The following GBF1 variants were observed in gnomAD, a reference collection of about 807,000 sequenced individuals.
The protein encoded by GBF1 is golgi brefeldin A resistant guanine nucleotide exchange factor 1, also known as Golgi-specific brefeldin A-resistance guanine nucleotide exchange factor 1.
A neutral mutation model predicts 210.5 loss-of-function variants in GBF1; 114 were observed. The observed-to-expected ratio is 0.54, with a 90% CI of 0.47 to 0.63. The LOEUF is 0.63. Ranked by LOEUF, GBF1 falls within the 30% of genes least tolerant of loss-of-function variation. The pLI, the probability that GBF1 is intolerant of heterozygous loss-of-function variation, is 0.00. For missense variants in GBF1, 1,851 were observed against 2,357.7 expected (o/e 0.79, Z 4.45); for synonymous variants, 850 against 889.2 (o/e 0.96, Z 0.78).
In GBF1 at chr10:102,377,201, G is replaced by A. The variant is rs779253604; in HGVS notation, c.4494+61G>A. On this transcript the variant is annotated intron_variant, in intron 33 of 39. Coordinates refer to ENST00000369983, the MANE Select transcript of GBF1 (RefSeq NM_001377137.1). ...GCACCTGATACTGGGAGCCTGGGGC[G>A]GCCAGGGAAAGCCAGGGCTGAGGGG... The A allele has an allele frequency of 3.1e-4, 443 of 1,441,812 alleles. 2 individuals are homozygous for A. The highest frequency in any genetic ancestry group is 1.4e-3 in the Middle Eastern group (7 of 4,948). The allele number at this position is 1,441,812 out of a possible 1,614,324, so 89.3% of individuals were successfully genotyped here.
Position 102,379,271 on chromosome 10 carries a change from C to T in GBF1, c.4495-13C>T, listed in dbSNP as rs764788380. 2 of 1,610,730 alleles carry T rather than the reference C, an allele frequency of 1.2e-6. No homozygotes were observed. The highest frequency in any genetic ancestry group is 1.1e-5 in the South Asian group (1 of 90,928). ...TAACCCCACTCACATCCTGCCCCCT[C>T]CTGTGATCCTAGTTGCTAGACCTGA... On this transcript the variant is annotated splice_polypyrimidine_tract_variant and intron_variant, in intron 33 of 39. Coordinates refer to ENST00000369983, the MANE Select transcript of GBF1 (RefSeq NM_001377137.1).
At chr10:102,297,030 G>A (rs2076961827) in intron 3 of GBF1, among the ~76,000 whole-genome samples, 1 of 149,536 alleles carries the variant, frequency 6.7e-6, no homozygotes, top group Non-Finnish European at 1.5e-5. Flanking sequence ...GAGCAACAGA[G>A]CGAGACTGTC....
intron 3 of GBF1, among the ~76,000 whole-genome samples, chr10:102,318,087 T>C (rs1472213513): frequency 1.3e-5 from 2 of 151,948 alleles, no homozygotes; most frequent in Non-Finnish European, 2.9e-5. Flanking sequence ...TTTTTGTATT[T>C]TTAGTAGAGA....
intron 3 of GBF1, among the ~76,000 whole-genome samples, chr10:102,285,505 C>T (rs1297496451): frequency 6.6e-6 from 1 of 152,208 alleles, no homozygotes; most frequent in Non-Finnish European, 1.5e-5. Flanking sequence ...CATCTCCTTA[C>T]TGTGTGGCTG....
At chr10:102,314,542 T>G (rs1478821882) in intron 3 of GBF1, among the ~76,000 whole-genome samples, 1 of 152,166 alleles carries the variant, frequency 6.6e-6, no homozygotes, top group African/African-American at 2.4e-5. Context: ...CAATTTAACT[T>G]CCTTAGCTTC....
intron 3 of GBF1, among the ~76,000 whole-genome samples, chr10:102,337,431 TTCA>T (rs1206934268): frequency 2.0e-5 from 3 of 151,902 alleles, no homozygotes; most frequent in Admixed American, 6.6e-5. Flanking sequence ...AAAACTGCTC[TTCA>T]TCACAGATAA....
intron 3 of GBF1, among the ~76,000 whole-genome samples, chr10:102,285,990 C>A (rs562462796): frequency 2.6e-5 from 4 of 152,198 alleles, no homozygotes; most frequent in South Asian, 4.1e-4. Flanking sequence ...AAAGGTTGAA[C>A]CTGTTTTCAA....
rs377385440 is a variant in GBF1 at position 102,271,959 on chromosome 10, C to A, written c.163+11843C>A. On this transcript the variant is annotated intron_variant, in intron 3 of 39. Coordinates refer to ENST00000369983, the MANE Select transcript of GBF1 (RefSeq NM_001377137.1). The stretch of plus-strand genomic sequence containing the variant: ...GTAGAGACAGGGTCTTGCCATGTTG[C>A]CCAGGCCTGTCTTGAACTCCTGAGC... Among the ~76,000 whole-genome samples the A allele has an allele frequency of 5.3e-4, 80 of 151,968 alleles. 2 individuals are homozygous for A. In the South Asian group the frequency reaches 0.016, roughly 31 times the overall value.
chr10:102,234,432 G>A, the GBF1 span, among the ~76,000 whole-genome samples: 1 of 152,170 alleles, frequency 6.6e-6, no homozygotes, highest in African/African-American at 2.4e-5. Flanking sequence ...GAAAAGTCAG[G>A]CCAGAACTGG....
chr10:102,353,152 C>T (rs1273832809), intron 7 of GBF1, among the ~76,000 whole-genome samples: 1 of 152,176 alleles, frequency 6.6e-6, no homozygotes, highest in Non-Finnish European at 1.5e-5. Flanking sequence ...ACAGACTAGA[C>T]TGCCCTTGGA....
In GBF1 at chr10:102,363,270, A is replaced by G; in HGVS notation, c.1891A>G (p.Ser631Gly). ...REASNTERTA[S>G]DGKAVGMASD... is the part of the protein sequence containing the mutation. ...TCTCTTACCAGCTGAGAGAACTGCC[A>G]GCGATGGGAAAGCTGTAGGCATGGC... is the stretch of plus-strand genomic sequence containing the variant. Residue 631 changes from serine to glycine, a missense_variant, in exon 16 of 40, where the codon AGC becomes GGC. This residue lies in a region of GBF1 where 804 missense variants were observed against 958.6 expected (regional missense o/e 0.84). Transcript: ENST00000369983. This position sits in a 1 kb window ranked among gnomAD's most constrained non-coding sequence, Gnocchi z 4.2. The G allele has an allele frequency of 1.2e-6, 2 of 1,613,062 alleles. No homozygotes were observed. Among genetic ancestry groups the G allele is most frequent in the South Asian group, 2.2e-5 (2 of 90,952 alleles).
At chr10:102,371,906 A>G (rs2135244474) in intron 29 of GBF1, among the ~76,000 whole-genome samples, 1 of 150,232 alleles carries the variant, frequency 6.7e-6, no homozygotes, top group South Asian at 2.1e-4. Flanking sequence ...CAGCTGGGTG[A>G]CAGAGTGAGA....
chr10:102,308,621 A>G (rs1294466986), intron 3 of GBF1, among the ~76,000 whole-genome samples: 1 of 151,822 alleles, frequency 6.6e-6, no homozygotes, highest in Non-Finnish European at 1.5e-5. Flanking sequence ...AAACTATCGC[A>G]AGGACAAAAA....
chr10:102,287,342 TTC>T (rs1167201351), intron 3 of GBF1, among the ~76,000 whole-genome samples: 14 of 131,440 alleles, frequency 1.1e-4, no homozygotes, highest in Admixed American at 6.1e-4. Context: ...TTATTTTATT[TTC>T]TTTTTTTTTT....
chr10:102,266,525 C>T (rs2073890215), intron 3 of GBF1, among the ~76,000 whole-genome samples: 1 of 152,188 alleles, frequency 6.6e-6, no homozygotes, highest in Non-Finnish European at 1.5e-5. Context: ...GCTGATCATT[C>T]CAAAGCTAAC....
intron 29 of GBF1, among the ~76,000 whole-genome samples, chr10:102,373,116 G>A (rs561910398): frequency 6.6e-6 from 1 of 152,278 alleles, no homozygotes; most frequent in South Asian, 2.1e-4. Flanking sequence ...TCACATATTT[G>A]AAGAAAGGTA....
At chr10:102,342,032 T>TA (rs1282990416) in intron 3 of GBF1, among the ~76,000 whole-genome samples, 1 of 151,644 alleles carries the variant, frequency 6.6e-6, no homozygotes, top group Non-Finnish European at 1.5e-5. Context: ...TACATTTTTT[T>TA]ATGTACTTTT....
At chr10:102,336,031 G>T (rs2134408240) in intron 3 of GBF1, among the ~76,000 whole-genome samples, 2 of 152,210 alleles carry the variant, frequency 1.3e-5, no homozygotes, top group Middle Eastern at 6.8e-3. Flanking sequence ...GCCAGGTGCA[G>T]TGGCTCATGC....
At position 102,362,537 on chromosome 10, in the gene GBF1, G is replaced by A. The variant is rs751585720; in HGVS notation, c.1749G>A (p.Leu583=). Residue 583 remains leucine, a synonymous_variant, in exon 15 of 40, where the codon TTG becomes TTA. Transcript: ENST00000369983. The part of the protein sequence containing the change: ...TTHLLSLDAL[L]TVIDSTEAHC... ...ACCTACTATCTCTTGATGCCCTATTGACAGTGATTGACAGCACCGAGGCCC... is the reference window on the plus strand; with the variant it reads ...ACCTACTATCTCTTGATGCCCTATTAACAGTGATTGACAGCACCGAGGCCC... 5 of 1,613,864 alleles carry A rather than the reference G, an allele frequency of 3.1e-6. No individual in the cohort carries two copies. The highest frequency in any genetic ancestry group is 3.4e-6 in the Non-Finnish European group (4 of 1,179,824).
Sources: gnomAD v4.1 joint callset for allele counts (sites outside exome capture counted in the v4.1 genomes callset) on GRCh38, gnomAD v4.1.1 for gene constraint, gnomAD v4.1.1 regional missense constraint, Gnocchi (gnomAD v3.1) non-coding constraint, MANE v1.5 for transcripts, NCBI Gene and HGNC (gene_info 2026-07-23, HGNC 2026-07-21) for gene names.